The following TGM5 variants were observed in gnomAD, a reference collection of about 807,000 sequenced individuals.
TGM5 encodes the protein transglutaminase 5.
TGM5 carries 69 observed loss-of-function variants against 77.2 expected under a neutral mutation model. The ratio of observed to expected loss-of-function variants is 0.89; its 90% confidence interval spans 0.74 to 1.09. The LOEUF (loss-of-function observed/expected upper bound fraction) is 1.09, where lower values mean the gene tolerates loss of function less well. TGM5 is among the 50% of genes least tolerant of loss of function. TGM5 has a pLI of 0.00. For synonymous variants in TGM5, 346 were observed against 351.8 expected (o/e 0.98, Z 0.18); for missense variants, 842 against 896.5 (o/e 0.94, Z 0.78).
At chr15:43,254,298 C>T (rs534266598) in intron 4 of TGM5, among the ~76,000 whole-genome samples, 2 of 152,316 alleles carry the variant, frequency 1.3e-5, no homozygotes, top group South Asian at 2.1e-4. Flanking sequence ...TCTGTCTTTT[C>T]CTGCCTGAGT....
At chr15:43,247,547 G>T (rs1596445836) in intron 6 of TGM5, 1 of 150,476 alleles carries the variant, frequency 6.6e-6, no homozygotes, top group East Asian at 1.9e-4. Context: ...GGACCTCAAA[G>T]AGCTATTTTA....
chr15:43,253,030 CAG>C, intron 5 of TGM5, 94 bp from the exon 6 acceptor site: 2 of 1,377,288 alleles, frequency 1.5e-6, no homozygotes, highest in East Asian at 2.3e-5. Context: ...GCCTGAGAAA[CAG>C]AGGAGAGACT....
At chr15:43,259,561 C>T (rs1321733691) in intron 3 of TGM5, among the ~76,000 whole-genome samples, 1 of 151,498 alleles carries the variant, frequency 6.6e-6, no homozygotes, top group Non-Finnish European at 1.5e-5. Flanking sequence ...AAGCATAGAA[C>T]ACTTTTGTAA....
chr15:43,256,417 C>G, intron 4 of TGM5, 151 bp downstream of exon 4: 1 of 748,606 alleles, frequency 1.3e-6, no homozygotes, highest in Non-Finnish European at 2.4e-6. Flanking sequence ...CCTATGGCTG[C>G]TCCTCGGGCA....
intron 6 of TGM5, among the ~76,000 whole-genome samples, chr15:43,249,302 C>T (rs540107935): frequency 6.6e-6 from 1 of 152,194 alleles, no homozygotes; most frequent in South Asian, 2.1e-4. Flanking sequence ...AAAGTTCAGC[C>T]TTGTAAAGTG....
At chr15:43,252,671 T>C in intron 6 of TGM5, 88 bp downstream of exon 6, 1 of 1,513,880 alleles carries the variant, frequency 6.6e-7, no homozygotes. Context: ...GTGGGAACTG[T>C]GTGGGACTGG....
chr15:43,251,152 C>A (rs983409082), intron 6 of TGM5, among the ~76,000 whole-genome samples: 1 of 152,124 alleles, frequency 6.6e-6, no homozygotes, highest in Non-Finnish European at 1.5e-5. Context: ...CTCACTTCAC[C>A]CAAATATTCA....
chr15:43,249,639 G>T (rs1166289876), intron 6 of TGM5, among the ~76,000 whole-genome samples: 1 of 152,190 alleles, frequency 6.6e-6, no homozygotes. Flanking sequence ...CTCAGCCGAG[G>T]GCTGAGGGTT....
intron 9 of TGM5, among the ~76,000 whole-genome samples, chr15:43,237,151 C>T (rs1471338944): frequency 6.6e-6 from 1 of 152,158 alleles, no homozygotes; most frequent in Non-Finnish European, 1.5e-5. Context: ...CCCCTGAGTC[C>T]ACAGGGGACC....
chr15:43,235,054 T>A (rs1409377251), intron 10 of TGM5, 125 bp from the exon 11 acceptor site: 1 of 1,231,160 alleles, frequency 8.1e-7, no homozygotes, highest in Non-Finnish European at 1.1e-6. Context: ...GGGAAGCAGG[T>A]GGCAGCTTTT....
intron 5 of TGM5, among the ~76,000 whole-genome samples, chr15:43,253,304 T>G (rs944850947): frequency 1.3e-5 from 2 of 152,210 alleles, no homozygotes; most frequent in East Asian, 3.8e-4. Flanking sequence ...ACATGCAATT[T>G]GGAATTAATA....
rs781300821 is a variant in TGM5 at position 43,238,986 on chromosome 15, C to T, written c.1176G>A (p.Thr392=). The T allele has an allele frequency of 2.5e-5, 40 of 1,614,016 alleles. No individual in the cohort carries two copies. The highest frequency in any genetic ancestry group is 3.3e-5 in the Admixed American group (2 of 59,998). ...KEGEVDLNYD[T]PFVFSMVNAD... ...CATTCACCATCGAAAACACAAAGGG[C>T]GTGTCATAGTTCAGGTCCACTTCTC... is the stretch of plus-strand genomic sequence containing the variant. Residue 392 remains threonine (T), a synonymous_variant, in exon 9 of 13, where the codon ACG becomes ACA. Transcript: ENST00000220420.
intron 9 of TGM5, 57 bp from the exon 10 acceptor site, chr15:43,235,894 A>G: frequency 6.2e-7 from 1 of 1,606,074 alleles, no homozygotes; most frequent in Non-Finnish European, 8.5e-7. Flanking sequence ...GGGTAGACTG[A>G]GGCTGAGCGC....
At chr15:43,250,016 G>C (rs1285355772) in intron 6 of TGM5, among the ~76,000 whole-genome samples, 1 of 152,158 alleles carries the variant, frequency 6.6e-6, no homozygotes, top group Non-Finnish European at 1.5e-5. Context: ...TGGTGGTCAG[G>C]ATTAGTAAAA....
intron 1 of TGM5, among the ~76,000 whole-genome samples, chr15:43,261,342 G>A (rs538055739): frequency 3.7e-4 from 57 of 152,112 alleles, no homozygotes; most frequent in African/African-American, 1.2e-3. Context: ...GCCTGCCTCG[G>A]CCTCCCAAAG....
rs781194265 is a variant in TGM5, at chr15:43,239,225, T to G, written c.1043A>C (p.Asp348Ala). Residue 348 changes from aspartate to alanine, a missense_variant, in exon 8 of 13, where the codon GAT becomes GCT. Coordinates refer to ENST00000220420, the MANE Select transcript of TGM5 (RefSeq NM_201631.4). Reference protein sequence around the residue: ...VWNECWMARKDLPPAYGGWQV... With the variant: ...VWNECWMARKALPPAYGGWQV... ...CCAGCCTCCATATGCAGGGGGCAGA[T>G]CCTTCCGGGCCATCCAGCACTCATT... is the stretch of plus-strand genomic sequence containing the variant. 1 of 1,614,116 alleles carries G rather than the reference T, an allele frequency of 6.2e-7. No homozygotes were observed. Among genetic ancestry groups the G allele is most frequent in the African/African-American group, 1.3e-5 (1 of 75,026 alleles).
In TGM5 at chr15:43,235,833, G is replaced by A; in HGVS notation, c.1350C>T (p.Ser450=). The change falls in exon 10 of 13, where the codon TCC becomes TCT. Residue 450 remains serine (S), a synonymous_variant. Coordinates refer to ENST00000220420, the MANE Select transcript of TGM5 (RefSeq NM_201631.4). ...TCAGAAACACCTGCCTCTCCTGGAGGGATCCTGAAGTTGGGGAGAGCACAG... is the reference window on the plus strand; with the variant it reads ...TCAGAAACACCTGCCTCTCCTGGAGAGATCCTGAAGTTGGGGAGAGCACAG... ...ITENYKYEEG[S]LQERQVFLKA... is the part of the protein sequence containing the mutation. 1 of 1,613,788 alleles carries A rather than the reference G, an allele frequency of 6.2e-7. No individual in the cohort carries two copies. Among genetic ancestry groups the A allele is most frequent in the South Asian group, 1.1e-5 (1 of 91,056 alleles).
intron 1 of TGM5, among the ~76,000 whole-genome samples, chr15:43,266,092 C>T (rs1341939416): frequency 6.6e-6 from 1 of 152,138 alleles, no homozygotes; most frequent in Non-Finnish European, 1.5e-5. Flanking sequence ...TTGGGGATGG[C>T]GGGCAGAGGA....
intron 9 of TGM5, 87 bp downstream of exon 9, chr15:43,238,730 T>C: frequency 6.4e-7 from 1 of 1,562,818 alleles, no homozygotes; most frequent in Non-Finnish European, 8.7e-7. Context: ...GGCTGGGTCC[T>C]GCCTCGCAGA....
Sources: gnomAD v4.1 joint callset for allele counts (sites outside exome capture counted in the v4.1 genomes callset) on GRCh38, gnomAD v4.1.1 for gene constraint, MANE v1.5 for transcripts, NCBI Gene and HGNC (gene_info 2026-07-23, HGNC 2026-07-21) for gene names.